Variants in CACNA2D1 observed in about 807,000 individuals in gnomAD.
The protein encoded by CACNA2D1 is voltage-dependent calcium channel subunit alpha-2/delta-1.
CACNA2D1 carries 53 observed loss-of-function variants against 171.5 expected under a neutral mutation model. That is an observed-to-expected ratio of 0.31 (90% confidence interval 0.25 to 0.39). CACNA2D1 has a LOEUF of 0.39. Among genes scored for constraint, CACNA2D1 ranks in the 10% least tolerant of loss-of-function variants. The pLI is 1.00. For missense variants in CACNA2D1, 903 were observed against 1,299.8 expected, an observed-to-expected ratio of 0.69 and a Z score of 4.69; for synonymous variants, 442 against 443.1, an observed-to-expected ratio of 1.00 and a Z score of 0.03.
intron 4 of CACNA2D1, among the ~76,000 whole-genome samples, chr7:82,162,600 G>A (rs1347414553): frequency 6.6e-6 from 1 of 151,844 alleles, no homozygotes; most frequent in East Asian, 1.9e-4. Context: ...GAAGAAAAAT[G>A]TAGATGAATA....
At chr7:81,962,651 T>C (rs910130208) in intron 34 of CACNA2D1, among the ~76,000 whole-genome samples, 156 bp from the exon 35 acceptor site, 2 of 151,940 alleles carry the variant, frequency 1.3e-5, no homozygotes, top group Admixed American at 6.6e-5. Flanking sequence ...TAACACATTG[T>C]AACCTTTTTG....
chr7:82,221,929 C>T (rs1206246143), intron 3 of CACNA2D1, among the ~76,000 whole-genome samples: 1 of 151,288 alleles, frequency 6.6e-6, no homozygotes, highest in African/African-American at 2.4e-5. Flanking sequence ...GCTTTTGTGA[C>T]TAGTCTATCC....
chr7:82,141,787 C>T (rs752377396), intron 4 of CACNA2D1, among the ~76,000 whole-genome samples: 15 of 152,128 alleles, frequency 9.9e-5, no homozygotes, highest in East Asian at 7.7e-4. Context: ...AGACATTGCC[C>T]GTCTGTTGAT....
At chr7:82,309,157 G>A (rs1010959813) in intron 3 of CACNA2D1, among the ~76,000 whole-genome samples, 3 of 152,170 alleles carry the variant, frequency 2.0e-5, no homozygotes, top group Non-Finnish European at 2.9e-5. Context: ...TGTAATACCA[G>A]CACTTTGGGA....
rs982055481 is a variant in CACNA2D1 at position 82,431,190 on chromosome 7, A to G, written c.95+12175T>C. On this transcript the variant is annotated intron_variant, in intron 1 of 38. Transcript: ENST00000356860. ...GGTTTTAGGAGGAGACATTTTTAAGACCTGCTAAGCATCCCTTTTTCCATT... is the reference window on the plus strand; with the variant it reads ...GGTTTTAGGAGGAGACATTTTTAAGGCCTGCTAAGCATCCCTTTTTCCATT... Among the ~76,000 whole-genome samples the G allele has an allele frequency of 4.6e-5, 7 of 152,144 alleles. 1 individual carries two copies. The highest frequency in any genetic ancestry group is 4.6e-4 in the Admixed American group (7 of 15,268).
intron 3 of CACNA2D1, among the ~76,000 whole-genome samples, chr7:82,278,556 T>C (rs1268453251): frequency 1.4e-5 from 1 of 71,798 alleles, no homozygotes; most frequent in African/African-American, 6.4e-5. Flanking sequence ...AGACTCTGTC[T>C]TAAAAAAAAA....
chr7:82,062,359 C>T (rs1036331054), intron 9 of CACNA2D1, among the ~76,000 whole-genome samples: 1 of 152,132 alleles, frequency 6.6e-6, no homozygotes, highest in Non-Finnish European at 1.5e-5. Flanking sequence ...ACCTGAAATT[C>T]CACTGTCTTT....
At chr7:82,271,002 T>C (rs1421029933) in intron 3 of CACNA2D1, among the ~76,000 whole-genome samples, 1 of 152,118 alleles carries the variant, frequency 6.6e-6, no homozygotes, top group Non-Finnish European at 1.5e-5. Context: ...ATGAGTGTCA[T>C]AATTCCCATG....
chr7:81,958,335 T>C (rs546312556), intron 38 of CACNA2D1, among the ~76,000 whole-genome samples: 3 of 152,108 alleles, frequency 2.0e-5, no homozygotes, highest in African/African-American at 7.2e-5. Flanking sequence ...TTTGAGTAGG[T>C]AAACTAAATA....
At chr7:82,038,597 C>A (rs1021633932) in intron 10 of CACNA2D1, among the ~76,000 whole-genome samples, 2 of 152,164 alleles carry the variant, frequency 1.3e-5, no homozygotes, top group African/African-American at 4.8e-5. Context: ...GGGATGCTTG[C>A]CCTGGTTGTG....
intron 3 of CACNA2D1, among the ~76,000 whole-genome samples, chr7:82,254,243 G>A (rs900671083): frequency 4.6e-5 from 7 of 151,720 alleles, no homozygotes; most frequent in African/African-American, 1.5e-4. Flanking sequence ...GTGTTTTCCC[G>A]AATGTGCTTA....
chr7:82,077,407 C>T (rs999912386), intron 7 of CACNA2D1, among the ~76,000 whole-genome samples: 1 of 152,110 alleles, frequency 6.6e-6, no homozygotes, highest in Admixed American at 6.5e-5. Context: ...ATTCTTTGCT[C>T]CTAATAAAGA....
rs1036944428 is a variant in CACNA2D1, at chr7:82,116,946, A to T, written c.526+98T>A. 1.2e-5 allele frequency: 16 copies of T among 1,297,066 alleles called. No homozygotes were observed. In the African/African-American group the frequency reaches 2.3e-4, roughly 19 times the overall value. 80.3% of individuals were successfully genotyped at this position (1,297,066 alleles called of 1,614,324 possible). On this transcript the variant is annotated intron_variant, in intron 6 of 38. Coordinates refer to ENST00000356860, the MANE Select transcript of CACNA2D1 (RefSeq NM_000722.4). ...CAGACTCTTATATGACAAACAAAAC[A>T]ATGTCACATTTGCTCTTTTTTTTCC... is the stretch of plus-strand genomic sequence containing the variant.
At chr7:82,437,358 A>G (rs919727510) in intron 1 of CACNA2D1, among the ~76,000 whole-genome samples, 1 of 152,134 alleles carries the variant, frequency 6.6e-6, no homozygotes, top group East Asian at 1.9e-4. Context: ...AAGAGCTTCA[A>G]ATAGACAGTA....
Position 82,309,042 on chromosome 7 carries a change from T to C in CACNA2D1, c.294+26093A>G, listed in dbSNP as rs139485279. ...TGTGTCTCTTTATGTTATATGTCTA[T>C]ATCTGTTATGTATATGTGATATTTC... On this transcript the variant is annotated intron_variant, in intron 3 of 38. Transcript: ENST00000356860. 1.5e-3 allele frequency among the ~76,000 whole-genome samples: 232 copies of C among 152,342 alleles called. 1 individual carries two copies. The highest frequency in any genetic ancestry group is 5.3e-3 in the African/African-American group (221 of 41,584).
chr7:82,068,730 A>G (rs1807967073), intron 7 of CACNA2D1, among the ~76,000 whole-genome samples: 1 of 152,166 alleles, frequency 6.6e-6, no homozygotes, highest in Non-Finnish European at 1.5e-5. Flanking sequence ...GTGGTCTGCA[A>G]CGAATCTGAT....
chr7:82,177,337 G>A (rs1463496614), intron 3 of CACNA2D1, among the ~76,000 whole-genome samples: 3 of 152,008 alleles, frequency 2.0e-5, no homozygotes, highest in Non-Finnish European at 4.4e-5. Flanking sequence ...GGTTGGAAGT[G>A]TATTTTTAAA....
intron 3 of CACNA2D1, among the ~76,000 whole-genome samples, chr7:82,205,988 A>G (rs1013213822): frequency 1.6e-4 from 25 of 152,138 alleles, no homozygotes; most frequent in African/African-American, 6.0e-4. Flanking sequence ...AAAGAAAAAA[A>G]CACAAGAATG....
chr7:82,346,608 A>G (rs114640139), intron 2 of CACNA2D1, among the ~76,000 whole-genome samples: 2,716 of 152,084 alleles, frequency 0.018, 86 homozygotes, highest in African/African-American at 0.062. Flanking sequence ...ATACAAACAA[A>G]CCATTTCTGT....
Sources: allele counts gnomAD v4.1 joint callset (sites outside exome capture counted in the v4.1 genomes callset), GRCh38; gene constraint gnomAD v4.1.1; transcripts MANE v1.5; gene names NCBI Gene and HGNC (gene_info 2026-07-23, HGNC 2026-07-21).